The following SLCO1B3 variants were observed in gnomAD, a reference collection of about 807,000 sequenced individuals.
SLCO1B3 encodes the protein solute carrier organic anion transporter family member 1B3.
SLCO1B3 carries 72 observed loss-of-function variants against 71.8 expected under a neutral mutation model. The observed-to-expected ratio is 1.00, with a 90% CI of 0.83 to 1.22. SLCO1B3 has a LOEUF of 1.22. Among genes scored for constraint, SLCO1B3 ranks in the 50% most tolerant of loss-of-function variants. The pLI is 0.00. For synonymous variants in SLCO1B3, 298 were observed against 278.4 expected, an observed-to-expected ratio of 1.07 and a Z score of -0.70; for missense variants, 911 against 819.7, an observed-to-expected ratio of 1.11 and a Z score of -1.36.
chr12:20,860,965 T>A (rs769489796), intron 5 of SLCO1B3, 52 bp from the exon 6 acceptor site: 39 of 1,494,628 alleles, frequency 2.6e-5, no homozygotes, highest in Non-Finnish European at 3.3e-5. Flanking sequence ...CTGGGAAAAC[T>A]GAAAATATTC....
rs971411455 is a variant in SLCO1B3 at position 20,883,517 on chromosome 12, A to T, written c.1597A>T (p.Lys533Ter). 6.9e-6 allele frequency: 11 copies of T among 1,605,326 alleles called. No individual in the cohort carries two copies. Among genetic ancestry groups the T allele is most frequent in the South Asian group, 1.1e-5 (1 of 89,506 alleles). Residue 533 changes from lysine to a stop codon, truncating the protein, a stop_gained, in exon 13 of 16, where the codon AAA becomes TAA. Coordinates refer to ENST00000381545, the MANE Select transcript of SLCO1B3 (RefSeq NM_019844.4). LOFTEE classifies it high-confidence loss of function. ...ECPRDNTCTR[K>*]FFIYVAIQVI... ...CCCAAGAGATAATACTTGTACAAGG[A>T]AATTTTTCATCTATGTTGCAATTCA...
At chr12:20,819,373 G>T (rs1485991409) in intron 3 of SLCO1B3, among the ~76,000 whole-genome samples, 1 of 152,206 alleles carries the variant, frequency 6.6e-6, no homozygotes, top group Admixed American at 6.5e-5. Context: ...GTCTGTCTGT[G>T]AAGCCTTGTG....
chr12:20,860,317 A>G (rs1444311878), intron 5 of SLCO1B3, among the ~76,000 whole-genome samples: 2 of 152,092 alleles, frequency 1.3e-5, no homozygotes, highest in East Asian at 1.9e-4. Context: ...AATTTACTAT[A>G]TCTTCGATCA....
At chr12:20,890,672 A>G (rs1469882061) in intron 13 of SLCO1B3, among the ~76,000 whole-genome samples, 1 of 152,090 alleles carries the variant, frequency 6.6e-6, no homozygotes, top group Non-Finnish European at 1.5e-5. Flanking sequence ...TAGGCCCAGT[A>G]GTGTTTGTTT....
In SLCO1B3 at chr12:20,888,902, G is replaced by A. The variant is rs181310043; in HGVS notation, c.1682+5300G>A. ...TTGGTAAGTGTTTTTATCATAAAGCGATGCTGGATTTTATCAAATGTTTTT... is the reference window on the plus strand; with the variant it reads ...TTGGTAAGTGTTTTTATCATAAAGCAATGCTGGATTTTATCAAATGTTTTT... On this transcript the variant is annotated intron_variant, in intron 13 of 15. Transcript: ENST00000381545. 4.0e-4 allele frequency among the ~76,000 whole-genome samples: 61 copies of A among 152,082 alleles called. 1 individual carries two copies. Among genetic ancestry groups the A allele is most frequent in the Middle Eastern group, 3.4e-3 (1 of 294 alleles).
intron 3 of SLCO1B3, among the ~76,000 whole-genome samples, chr12:20,828,080 G>T (rs1030372548): frequency 6.6e-6 from 1 of 152,048 alleles, no homozygotes; most frequent in Non-Finnish European, 1.5e-5. Flanking sequence ...ATTTAGATAG[G>T]TAGTTTTAAA....
chr12:20,860,599 T>TTGTGTGTGTGTGTGTG (rs34409706), intron 5 of SLCO1B3, among the ~76,000 whole-genome samples: 4 of 146,638 alleles, frequency 2.7e-5, no homozygotes, highest in Admixed American at 1.4e-4. Context: ...GTCAAGCACT[T>TTGTGTGTGTGTGTGTG]TGTGTGTGTG....
Position 20,844,307 on chromosome 12 carries a change from G to A in SLCO1B3, c.85-10721G>A, listed in dbSNP as rs556196989. On this transcript the variant is annotated intron_variant, in intron 3 of 15. Transcript: ENST00000381545. ...TCTGGCCAGGCGCAGTGGCTCCTCC[G>A]TGTAATCCCAGCACTTTGGAAGGCT... is the stretch of plus-strand genomic sequence containing the variant. Among the ~76,000 whole-genome samples, 19 of 151,868 alleles carry A rather than the reference G, an allele frequency of 1.3e-4. No individual in the cohort carries two copies. The South Asian group carries it at 3.1e-3, about 25-fold the overall frequency.
chr12:20,819,310 G>A (rs542341802), intron 3 of SLCO1B3, among the ~76,000 whole-genome samples: 22 of 152,188 alleles, frequency 1.4e-4, no homozygotes, highest in Non-Finnish European at 3.1e-4. Flanking sequence ...CGAGAATTAT[G>A]CCGAGATAGG....
At chr12:20,887,984 C>A (rs572062287) in intron 13 of SLCO1B3, among the ~76,000 whole-genome samples, 39 of 152,004 alleles carry the variant, frequency 2.6e-4, no homozygotes, top group Middle Eastern at 3.4e-3. Context: ...AATAGGGTGT[C>A]CTTTCCTCAC....
intron 13 of SLCO1B3, among the ~76,000 whole-genome samples, chr12:20,891,859 T>C (rs1591784761): frequency 6.6e-6 from 1 of 152,204 alleles, no homozygotes; most frequent in Non-Finnish European, 1.5e-5. Context: ...AATACATTTT[T>C]AATTTTTAGA....
At chr12:20,875,791 G>T (rs1173989114) in intron 9 of SLCO1B3, among the ~76,000 whole-genome samples, 1 of 151,940 alleles carries the variant, frequency 6.6e-6, no homozygotes, top group African/African-American at 2.4e-5. Flanking sequence ...GGGTTTAAAG[G>T]ATTATAATTT....
chr12:20,916,356 T>A lies in SLCO1B3; in HGVS notation c.*109T>A. ...ACCAATGGATAAGTCTATGCATCTA[T>A]AATAAACTATAAAAAATGGGAGTAC... On this transcript the variant is annotated 3_prime_UTR_variant, in exon 16 of 16. Coordinates refer to ENST00000381545, the MANE Select transcript of SLCO1B3 (RefSeq NM_019844.4). 9.9e-7 allele frequency: 1 copy of A among 1,015,188 alleles called. No homozygotes were observed. The highest frequency in any genetic ancestry group is 2.4e-5 in the Admixed American group (1 of 41,974). 62.9% of individuals were successfully genotyped at this position (1,015,188 alleles called of 1,614,324 possible). A position where few individuals can be genotyped will look rare whatever the true frequency, so the allele number is the denominator to read the frequency against.
At chr12:20,844,674 A>C (rs535399218) in intron 3 of SLCO1B3, among the ~76,000 whole-genome samples, 4 of 152,144 alleles carry the variant, frequency 2.6e-5, no homozygotes, top group Non-Finnish European at 5.9e-5. Context: ...TTCCTTCTGG[A>C]GTTGATTTCT....
chr12:20,840,062 G>A (rs1161431840), intron 3 of SLCO1B3, among the ~76,000 whole-genome samples: 1 of 152,022 alleles, frequency 6.6e-6, no homozygotes, highest in African/African-American at 2.4e-5. Context: ...CTTGCATACT[G>A]TCTCTTTTAC....
chr12:20,832,215 GC>G (rs1335229494), intron 3 of SLCO1B3, among the ~76,000 whole-genome samples: 2 of 152,014 alleles, frequency 1.3e-5, no homozygotes, highest in African/African-American at 4.8e-5. Context: ...GTGCATGTGC[GC>G]ACACTAATAC....
intron 8 of SLCO1B3, 61 bp downstream of exon 8, chr12:20,862,915 C>A: frequency 1.2e-6 from 1 of 865,552 alleles, no homozygotes; most frequent in East Asian, 2.5e-5. Context: ...CACCATTCTT[C>A]CAAAGAATTA....
In SLCO1B3 at chr12:20,879,540, A is replaced by G. The variant is rs1214924822; in HGVS notation, c.1240A>G (p.Thr414Ala). ...TGGAATTGCCAAATTTTCATTTCTT[A>G]CTTCGATGATATCCTTCTTGTTTCA... ...LVGIAKFSFL[T>A]SMISFLFQLL... Residue 414 changes from threonine (T) to alanine (A), a missense_variant, in exon 11 of 16, where the codon ACT (threonine) becomes GCT (alanine). Coordinates refer to ENST00000381545, the MANE Select transcript of SLCO1B3 (RefSeq NM_019844.4). 2 of 1,612,130 alleles carry G rather than the reference A, an allele frequency of 1.2e-6. No individual in the cohort carries two copies. The highest frequency in any genetic ancestry group is 2.2e-5 in the South Asian group (2 of 90,988).
At chr12:20,861,619 A>G (rs1175871262) in intron 6 of SLCO1B3, among the ~76,000 whole-genome samples, 1 of 151,984 alleles carries the variant, frequency 6.6e-6, no homozygotes, top group Non-Finnish European at 1.5e-5. Context: ...AAATATGTGA[A>G]TAATATAACT....
Sources: gnomAD v4.1 joint callset for allele counts (sites outside exome capture counted in the v4.1 genomes callset) on GRCh38, gnomAD v4.1.1 for gene constraint, MANE v1.5 for transcripts, NCBI Gene and HGNC (gene_info 2026-07-23, HGNC 2026-07-21) for gene names.